The following GPBP1 variants were observed in gnomAD, a reference collection of about 807,000 sequenced individuals.
GPBP1 encodes GC-rich promoter binding protein 1.
GPBP1 carries 13 observed loss-of-function variants against 56.5 expected under a neutral mutation model. The ratio of observed to expected loss-of-function variants is 0.23; its 90% CI spans 0.15 to 0.37. The LOEUF (loss-of-function observed/expected upper bound fraction) is 0.37, where lower values mean the gene tolerates loss of function less well. GPBP1 is among the 10% of genes least tolerant of loss of function. The probability of loss-of-function intolerance (pLI) is 1.00; values close to 1 mark genes in which losing one functional copy is unlikely to be tolerated. For synonymous variants in GPBP1, 204 were observed against 188.9 expected (o/e 1.08, Z -0.66); for missense variants, 477 against 572.3 (o/e 0.83, Z 1.70).
At chr5:57,214,333 C>G in intron 3 of GPBP1, 140 bp downstream of exon 3, 1 of 714,740 alleles carries the variant, frequency 1.4e-6, no homozygotes, top group Non-Finnish European at 2.4e-6. Context: ...CCCCTGTAAT[C>G]TCAGCACTTT....
rs1165997440 is a variant in GPBP1, at chr5:57,249,517, T to C, written c.913T>C (p.Leu305=). The C allele has an allele frequency of 2.5e-6, 4 of 1,613,368 alleles. No homozygotes were observed. The African/African-American group carries it at 5.3e-5, about 22-fold the overall frequency. ...TAAGAAGAGTGAATTTTTGAAAGCA[T>C]TGAAAAGAGACAGAGTAGAAGAGGA... The part of the protein sequence containing the change: ...TDKKSEFLKA[L]KRDRVEEEHE... Residue 305 remains leucine, a synonymous_variant, in exon 9 of 12, where the codon TTG becomes CTG. Transcript: ENST00000506184.
intron 2 of GPBP1, among the ~76,000 whole-genome samples, chr5:57,211,110 A>G (rs1368653057): frequency 6.6e-6 from 1 of 151,962 alleles, no homozygotes; most frequent in African/African-American, 2.4e-5. Context: ...TGAAACTTTA[A>G]TTAGCCTTTA....
At chr5:57,229,973 T>TCCCG (rs1756378079) in intron 3 of GPBP1, among the ~76,000 whole-genome samples, 1 of 82,608 alleles carries the variant, frequency 1.2e-5, no homozygotes, top group African/African-American at 5.1e-5. Flanking sequence ...GTCCCGTCCC[T>TCCCG]TCTCACATGC....
intron 3 of GPBP1, among the ~76,000 whole-genome samples, chr5:57,219,399 A>AAAC (rs1755839383): frequency 5.0e-5 from 3 of 59,550 alleles, no homozygotes; most frequent in African/African-American, 1.4e-4. Context: ...AAAAAAAAAA[A>AAAC]AAAACCAAAA....
chr5:57,259,030 A>C (rs1741780857), intron 10 of GPBP1, among the ~76,000 whole-genome samples: 1 of 152,210 alleles, frequency 6.6e-6, no homozygotes, highest in African/African-American at 2.4e-5. Context: ...TGAATGGTAA[A>C]AGTGAATGGA....
At chr5:57,200,164 T>C (rs1754947509) in intron 2 of GPBP1, among the ~76,000 whole-genome samples, 1 of 143,856 alleles carries the variant, frequency 7.0e-6, no homozygotes, top group Non-Finnish European at 1.5e-5. Flanking sequence ...TCCTTCCCTT[T>C]CCTTCCTCTC....
At chr5:57,199,538 T>TTATA (rs975611410) in intron 2 of GPBP1, among the ~76,000 whole-genome samples, 3 of 150,866 alleles carry the variant, frequency 2.0e-5, no homozygotes, top group Non-Finnish European at 3.0e-5. Flanking sequence ...TCTTTTCTTT[T>TTATA]TATATATATA....
At chr5:57,209,489 T>C (rs1755383811) in intron 2 of GPBP1, among the ~76,000 whole-genome samples, 1 of 152,190 alleles carries the variant, frequency 6.6e-6, no homozygotes, top group Admixed American at 6.5e-5. Context: ...TTTCTTTTCT[T>C]GCCTAGTTGC....
At chr5:57,248,909 G>A (rs1487371758) in intron 8 of GPBP1, 1 of 152,272 alleles carries the variant, frequency 6.6e-6, no homozygotes, top group Admixed American at 6.5e-5. Context: ...TCTGTTTTGT[G>A]TTCCACTGTC....
chr5:57,255,644 A>T (rs1358334078), intron 10 of GPBP1, among the ~76,000 whole-genome samples: 1 of 152,250 alleles, frequency 6.6e-6, no homozygotes, highest in Non-Finnish European at 1.5e-5. Flanking sequence ...TCTATTCATT[A>T]AGGCCATAGT....
At chr5:57,236,732 T>G (rs1756677825) in intron 6 of GPBP1, among the ~76,000 whole-genome samples, 1 of 152,140 alleles carries the variant, frequency 6.6e-6, no homozygotes, top group Non-Finnish European at 1.5e-5. Context: ...ATGGAAAATT[T>G]TATACTAAGA....
At chr5:57,261,659 T>C (rs1237591763) in intron 11 of GPBP1, among the ~76,000 whole-genome samples, 1 of 152,130 alleles carries the variant, frequency 6.6e-6, no homozygotes, top group African/African-American at 2.4e-5. Flanking sequence ...TTTTGTTTTG[T>C]TTTTTGTTTT....
chr5:57,226,235 GTAATGGA>G (rs1756182080), intron 3 of GPBP1, among the ~76,000 whole-genome samples: 1 of 152,192 alleles, frequency 6.6e-6, no homozygotes, highest in African/African-American at 2.4e-5. Flanking sequence ...TTAATGAACT[GTAATGGA>G]TAATCATGGC....
chr5:57,186,777 C>G (rs1343628644), intron 2 of GPBP1, among the ~76,000 whole-genome samples: 1 of 152,126 alleles, frequency 6.6e-6, no homozygotes, highest in Non-Finnish European at 1.5e-5. Flanking sequence ...CACTGTGTTG[C>G]CCAGAGTGGT....
chr5:57,195,033 G>A (rs1754686071), intron 2 of GPBP1, among the ~76,000 whole-genome samples: 1 of 151,682 alleles, frequency 6.6e-6, no homozygotes, highest in Non-Finnish European at 1.5e-5. Flanking sequence ...TGGGCTTGCT[G>A]GATCATATGG....
chr5:57,246,659 G>A (rs944887597), intron 7 of GPBP1, among the ~76,000 whole-genome samples, 175 bp downstream of exon 7: 3 of 151,994 alleles, frequency 2.0e-5, no homozygotes, highest in Non-Finnish European at 4.4e-5. Flanking sequence ...TGGTGTGTGC[G>A]TGTGTGTGGT....
At chr5:57,218,029 T>C (rs1474897763) in intron 3 of GPBP1, among the ~76,000 whole-genome samples, 2 of 152,106 alleles carry the variant, frequency 1.3e-5, no homozygotes, top group Non-Finnish European at 2.9e-5. Context: ...CCTATAGGTG[T>C]TTTGACTTTT....
At chr5:57,228,842 C>T (rs1305217173) in intron 3 of GPBP1, among the ~76,000 whole-genome samples, 1 of 150,598 alleles carries the variant, frequency 6.6e-6, no homozygotes, top group East Asian at 1.9e-4. Context: ...TAAAAGATGA[C>T]AAATATAAGT....
intron 2 of GPBP1, among the ~76,000 whole-genome samples, chr5:57,183,636 GC>G (rs776236581): frequency 1.3e-5 from 2 of 151,728 alleles, no homozygotes; most frequent in African/African-American, 2.4e-5. Context: ...AACAAGAACC[GC>G]CCCCCCATCT....
Sources: gnomAD v4.1 joint callset for allele counts (sites outside exome capture counted in the v4.1 genomes callset) on GRCh38, gnomAD v4.1.1 for gene constraint, MANE v1.5 for transcripts, NCBI Gene and HGNC (gene_info 2026-07-23, HGNC 2026-07-21) for gene names.